Variants in CEP89 observed in about 807,000 individuals in gnomAD.
CEP89 encodes centrosomal protein 89.
Under a neutral mutation model 97.6 loss-of-function variants are expected in CEP89, and 95 were observed. The ratio of observed to expected loss-of-function variants is 0.97; its 90% CI spans 0.82 to 1.15. The LOEUF is 1.15. Among genes scored for constraint, CEP89 ranks in the 50% most tolerant of loss-of-function variants. CEP89 has a pLI of 0.00. For missense variants in CEP89, 869 were observed against 947.7 expected, an observed-to-expected ratio of 0.92 and a Z score of 1.09; for synonymous variants, 354 against 349.1, an observed-to-expected ratio of 1.01 and a Z score of -0.16.
At chr19:32,946,860 A>G (rs546392864) in intron 5 of CEP89, among the ~76,000 whole-genome samples, 2 of 152,246 alleles carry the variant, frequency 1.3e-5, no homozygotes, top group African/African-American at 4.8e-5. Flanking sequence ...CTTTTTCTTG[A>G]TAAGTTACCC....
intron 13 of CEP89, among the ~76,000 whole-genome samples, chr19:32,917,615 T>C (rs1453564654): frequency 6.6e-6 from 1 of 152,194 alleles, no homozygotes; most frequent in African/African-American, 2.4e-5. Flanking sequence ...GCCACTATCT[T>C]TTGTACTCAT....
At chr19:32,957,040 A>G (rs1264657654) in intron 3 of CEP89, among the ~76,000 whole-genome samples, 1 of 152,240 alleles carries the variant, frequency 6.6e-6, no homozygotes, top group Non-Finnish European at 1.5e-5. Flanking sequence ...GCTGTGGGAC[A>G]GGCTTTATTA....
chr19:32,881,315 A>C (rs888621757), intron 18 of CEP89, among the ~76,000 whole-genome samples: 13 of 152,042 alleles, frequency 8.6e-5, no homozygotes, highest in Non-Finnish European at 1.6e-4. Context: ...TAGTAATAAT[A>C]ATAATAATAA....
chr19:32,967,463 T>C (rs1337946337), intron 1 of CEP89, among the ~76,000 whole-genome samples: 1 of 134,680 alleles, frequency 7.4e-6, no homozygotes, highest in Non-Finnish European at 1.6e-5. Context: ...TTACAGAACA[T>C]AGAATTATGG....
chr19:32,918,379 G>T, intron 12 of CEP89, 40 bp from the exon 13 acceptor site: 1 of 1,429,244 alleles, frequency 7.0e-7, no homozygotes, highest in Non-Finnish European at 9.9e-7. Flanking sequence ...TGATTCAGGT[G>T]CTGAATGGTT....
intron 9 of CEP89, among the ~76,000 whole-genome samples, chr19:32,928,456 G>A (rs1238096993): frequency 6.6e-6 from 1 of 151,492 alleles, no homozygotes; most frequent in Non-Finnish European, 1.5e-5. Flanking sequence ...TTTCACCCTG[G>A]TCATGGTAGG....
chr19:32,947,451 TA>T (rs1286115297), intron 5 of CEP89, among the ~76,000 whole-genome samples: 2 of 152,066 alleles, frequency 1.3e-5, no homozygotes, highest in Non-Finnish European at 2.9e-5. Flanking sequence ...CCTTGTACTT[TA>T]AAAACAACCT....
At position 32,904,596 on chromosome 19, in the gene CEP89, C is replaced by CT. The variant is rs550676154; in HGVS notation, c.1566-3185dup. On this transcript the variant is annotated intron_variant, in intron 14 of 18. Transcript: ENST00000305768. ...TTTCAAAATATCATTTTCTTTCTTC[C>CT]TTTTTTTTTTTTTTGAGATGGAGTC... Among the ~76,000 whole-genome samples the CT allele has an allele frequency of 6.8e-3, 955 of 140,602 alleles. 9 individuals are homozygous for CT. The highest frequency in any genetic ancestry group is 0.019 in the African/African-American group (728 of 37,878). 92.2% of individuals were successfully genotyped at this position (140,602 alleles called of 152,430 possible).
chr19:32,895,359 G>A (rs1969618337), intron 16 of CEP89, among the ~76,000 whole-genome samples: 1 of 151,990 alleles, frequency 6.6e-6, no homozygotes, highest in African/African-American at 2.4e-5. Context: ...GCAGAATGAA[G>A]GATAAAAACC....
rs1969225358 is a variant in CEP89 at position 32,879,198 on chromosome 19, G to A, written c.2316C>T (p.Cys772=). Residue 772 remains cysteine (C), a synonymous_variant, in exon 19 of 19, where the codon TGC becomes TGT. Coordinates refer to ENST00000305768, the MANE Select transcript of CEP89 (RefSeq NM_032816.5). ...QADLLDGCDV[C]SYDLKSHAPT... ...GGGCATGAGACTTCAGGTCATAGGA[G>A]CAGACATCGCAGCCGTCCAGCAGGT... is the stretch of plus-strand genomic sequence containing the variant. The A allele has an allele frequency of 2.5e-6, 4 of 1,613,958 alleles. No individual in the cohort carries two copies. Among genetic ancestry groups the A allele is most frequent in the Non-Finnish European group, 3.4e-6 (4 of 1,179,902 alleles).
At position 32,966,340 on chromosome 19, in the gene CEP89, C is replaced by A. The variant is rs1333157363; in HGVS notation, c.146+20G>T. The A allele has an allele frequency of 5.6e-6, 8 of 1,427,008 alleles. No individual in the cohort carries two copies. Among genetic ancestry groups the A allele is most frequent in the Non-Finnish European group, 7.6e-6 (8 of 1,050,724 alleles). 88.4% of individuals were successfully genotyped at this position (1,427,008 alleles called of 1,614,324 possible). On this transcript the variant is annotated intron_variant, in intron 2 of 18. Transcript: ENST00000305768. Reference sequence around the variant, plus strand: ...GCTGAGCACAGGGGTGACCTCAGTGCCTGCTCATCTGATACTCACCTTGGT... The same window carrying A: ...GCTGAGCACAGGGGTGACCTCAGTGACTGCTCATCTGATACTCACCTTGGT...
chr19:32,882,117 T>A, intron 17 of CEP89, 104 bp from the exon 18 acceptor site: 3 of 942,426 alleles, frequency 3.2e-6, no homozygotes, highest in Non-Finnish European at 4.7e-6. Flanking sequence ...TCAGAGCCTT[T>A]AAAATCTAGC....
At chr19:32,966,171 T>G (rs1971278606) in intron 2 of CEP89, 189 bp downstream of exon 2, 3 of 399,844 alleles carry the variant, frequency 7.5e-6, no homozygotes, top group Admixed American at 4.4e-5. Context: ...AGGAGAGACC[T>G]CAAGTCAGTC....
chr19:32,912,835 G>A (rs956796964), intron 14 of CEP89, among the ~76,000 whole-genome samples: 2 of 151,704 alleles, frequency 1.3e-5, no homozygotes, highest in Non-Finnish European at 2.9e-5. Flanking sequence ...GAGGTCAGGA[G>A]ATCGAGACCA....
At position 32,931,545 on chromosome 19, in the gene CEP89, G is replaced by T; in HGVS notation, c.913C>A (p.Arg305=). ...TCCACCAGTTCTTGAGCTTGTTTTC[G>T]CAGATAAAGTAATTCAGGTGCAGCA... ...EVAAPELLYL[R]KQAQELVDEN... is the part of the protein sequence containing the mutation. Residue 305 remains arginine (R), a synonymous_variant, in exon 9 of 19, where the codon CGA becomes AGA. Coordinates refer to ENST00000305768, the MANE Select transcript of CEP89 (RefSeq NM_032816.5). 1 of 1,578,738 alleles carries T rather than the reference G, an allele frequency of 6.3e-7. No homozygotes were observed. The highest frequency in any genetic ancestry group is 2.3e-5 in the East Asian group (1 of 42,890).
intron 8 of CEP89, among the ~76,000 whole-genome samples, chr19:32,932,263 A>T (rs2145929541): frequency 6.6e-6 from 1 of 152,252 alleles, no homozygotes; most frequent in African/African-American, 2.4e-5. Context: ...ACATAATAGC[A>T]ATGTCCTATT....
In CEP89 at chr19:32,879,309, A is replaced by T. The variant is rs761503150; in HGVS notation, c.2205T>A (p.Leu735=). 1 of 1,614,134 alleles carries T rather than the reference A, an allele frequency of 6.2e-7. No individual in the cohort carries two copies. Among genetic ancestry groups the T allele is most frequent in the African/African-American group, 1.3e-5 (1 of 74,942 alleles). ...TFRENRRIRE[L]LQDTLTRTGV... ...CTGTCCTCGTGAGTGTGTCCTGGAG[A>T]AGTTCTCGGATTCTTCGGTTTTCCC... The change falls in exon 19 of 19, where the codon CTT becomes CTA. Residue 735 remains leucine (L), a synonymous_variant. Transcript: ENST00000305768.
chr19:32,880,785 C>T (rs1445003470), intron 18 of CEP89, among the ~76,000 whole-genome samples: 2 of 151,950 alleles, frequency 1.3e-5, no homozygotes, highest in Admixed American at 1.3e-4. Context: ...AAACTGAAAC[C>T]AAAGAGGCAG....
chr19:32,952,542 G>A (rs954065634), intron 4 of CEP89, among the ~76,000 whole-genome samples: 11 of 151,710 alleles, frequency 7.3e-5, no homozygotes, highest in South Asian at 6.2e-4. Flanking sequence ...AATCAATACC[G>A]GTGTAGCTTA....
Sources: allele counts gnomAD v4.1 joint callset (sites outside exome capture counted in the v4.1 genomes callset), GRCh38; gene constraint gnomAD v4.1.1; transcripts MANE v1.5; gene names NCBI Gene and HGNC (gene_info 2026-07-23, HGNC 2026-07-21).